GPC5: variants seen among roughly 807,000 people sequenced by gnomAD.
GPC5 encodes glypican-5.
In GPC5, 47 loss-of-function variants were observed where a neutral mutation model predicts 53.9. That is an observed-to-expected ratio of 0.87 (90% CI 0.69 to 1.11). The LOEUF (loss-of-function observed/expected upper bound fraction) is 1.11. Ranked by LOEUF, GPC5 falls within the 50% of genes most tolerant of loss-of-function variation. GPC5 has a pLI of 0.00. For missense variants in GPC5, 748 were observed against 713.1 expected (o/e 1.05, Z -0.56); for synonymous variants, 286 against 263.3 (o/e 1.09, Z -0.84).
chr13:91,482,777 G>A (rs1045284369), intron 2 of GPC5, among the ~76,000 whole-genome samples: 2 of 152,160 alleles, frequency 1.3e-5, no homozygotes, highest in East Asian at 1.9e-4. Context: ...AGATGTGTGC[G>A]GTGGTCTGAA....
At chr13:91,847,982 C>A (rs1437701840) in intron 5 of GPC5, among the ~76,000 whole-genome samples, 2 of 152,106 alleles carry the variant, frequency 1.3e-5, no homozygotes, top group African/African-American at 2.4e-5. Context: ...CTTTTAATAG[C>A]GAGGTATTGA....
intron 7 of GPC5, among the ~76,000 whole-genome samples, chr13:92,493,882 G>A (rs1450910874): frequency 1.3e-5 from 2 of 152,184 alleles, no homozygotes; most frequent in Non-Finnish European, 2.9e-5. Context: ...TATGACTGAT[G>A]AGGCATCGAG....
intron 6 of GPC5, among the ~76,000 whole-genome samples, chr13:92,046,182 A>G (rs905187881): frequency 6.6e-6 from 1 of 152,198 alleles, no homozygotes; most frequent in Non-Finnish European, 1.5e-5. Context: ...AAGAAAAATC[A>G]CAATTACCTA....
intron 6 of GPC5, among the ~76,000 whole-genome samples, chr13:92,024,694 T>A (rs2040786560): frequency 6.6e-6 from 1 of 152,172 alleles, no homozygotes; most frequent in Non-Finnish European, 1.5e-5. Flanking sequence ...ACTTTTGAGA[T>A]GAAACTGTGG....
rs368715315 is a variant in GPC5, at chr13:92,365,978, CTTATCA to C, written c.1561+220996_1561+221001del. ...AATATTTAAGCCAGTAACATAGTCA[CTTATCA>C]TTATCAAGTATAATGCACTGCACAT... On this transcript the variant is annotated intron_variant, in intron 7 of 7. Transcript: ENST00000377067. Among the ~76,000 whole-genome samples, 68 of 151,770 alleles carry C rather than the reference CTTATCA, an allele frequency of 4.5e-4. 4 individuals are homozygous for C. The highest frequency in any genetic ancestry group is 1.4e-3 in the African/African-American group (59 of 41,070).
chr13:92,076,899 TGA>T (rs2041256405), intron 6 of GPC5, among the ~76,000 whole-genome samples: 1 of 152,188 alleles, frequency 6.6e-6, no homozygotes, highest in African/African-American at 2.4e-5. Context: ...TTTAAAGGCC[TGA>T]ATAGGAAATA....
intron 7 of GPC5, among the ~76,000 whole-genome samples, chr13:92,148,594 C>T (rs2041884816): frequency 6.6e-6 from 1 of 151,886 alleles, no homozygotes; most frequent in African/African-American, 2.4e-5. Flanking sequence ...AAAATTTGTC[C>T]ACATTTTTAT....
chr13:91,684,652 A>G (rs163927), intron 2 of GPC5, among the ~76,000 whole-genome samples: 33,834 of 152,138 alleles, frequency 0.22, 5,008 homozygotes, highest in African/African-American at 0.42. Flanking sequence ...TACTGTTAGC[A>G]TAGCCTTTAA....
At chr13:91,530,314 G>A (rs1886285727) in intron 2 of GPC5, among the ~76,000 whole-genome samples, 1 of 152,188 alleles carries the variant, frequency 6.6e-6, no homozygotes, top group Admixed American at 6.5e-5. Flanking sequence ...GGAATTTTGT[G>A]AGCAGGTTGA....
intron 5 of GPC5, among the ~76,000 whole-genome samples, chr13:91,803,763 GAGACAGACAGAC>G (rs1157171365): frequency 6.8e-6 from 1 of 147,216 alleles, no homozygotes; most frequent in African/African-American, 2.5e-5. Context: ...ATATATAACA[GAGACAGACAGAC>G]AGACAGACAC....
intron 7 of GPC5, among the ~76,000 whole-genome samples, chr13:92,651,383 C>T (rs2139166526): frequency 6.6e-6 from 1 of 152,224 alleles, no homozygotes; most frequent in Non-Finnish European, 1.5e-5. Flanking sequence ...TACTTTTCCA[C>T]TGTAGTCTTC....
intron 2 of GPC5, among the ~76,000 whole-genome samples, chr13:91,691,900 T>G (rs959383847): frequency 2.6e-5 from 4 of 152,192 alleles, no homozygotes; most frequent in Admixed American, 6.5e-5. Flanking sequence ...GACTATACGG[T>G]TGGGACTATA....
chr13:91,751,174 A>G (rs891896101), intron 4 of GPC5, among the ~76,000 whole-genome samples: 2 of 152,060 alleles, frequency 1.3e-5, no homozygotes, highest in African/African-American at 4.8e-5. Flanking sequence ...TCTCCCCCCA[A>G]ATTTCTGTCT....
rs568535652 is a variant in GPC5, at chr13:92,070,258, T to C, written c.1402-74572T>C. 4.6e-5 allele frequency among the ~76,000 whole-genome samples: 7 copies of C among 152,236 alleles called. No individual in the cohort carries two copies. The East Asian group carries it at 1.2e-3, about 25-fold the overall frequency. ...AGTGTGGCTAACAATCTGAATAAAC[T>C]TGGAAGCAGACCTTTCCTCAGAGCC... On this transcript the variant is annotated intron_variant, in intron 6 of 7. Transcript: ENST00000377067.
chr13:92,722,255 A>C (rs1888526945), intron 7 of GPC5, among the ~76,000 whole-genome samples: 1 of 151,984 alleles, frequency 6.6e-6, no homozygotes, highest in South Asian at 2.1e-4. Flanking sequence ...TTAAAGGGAA[A>C]ATACTTTGCC....
chr13:92,847,342 A>G (rs1456567661), intron 7 of GPC5, among the ~76,000 whole-genome samples: 1 of 152,148 alleles, frequency 6.6e-6, no homozygotes, highest in East Asian at 1.9e-4. Context: ...CCACTGTGAT[A>G]TGGTTTGGAT....
chr13:91,498,421 G>C (rs1362960921), intron 2 of GPC5, among the ~76,000 whole-genome samples: 1 of 152,002 alleles, frequency 6.6e-6, no homozygotes, highest in Non-Finnish European at 1.5e-5. Context: ...GCTGGGAACT[G>C]GTTGAGCAGG....
intron 6 of GPC5, among the ~76,000 whole-genome samples, chr13:91,927,151 A>G (rs1275720197): frequency 3.3e-5 from 5 of 152,228 alleles, no homozygotes; most frequent in African/African-American, 1.2e-4. Context: ...AATTACTAAT[A>G]GAGAAATTAC....
intron 7 of GPC5, among the ~76,000 whole-genome samples, chr13:92,173,591 T>C (rs1338151807): frequency 6.6e-6 from 1 of 152,210 alleles, no homozygotes; most frequent in Non-Finnish European, 1.5e-5. Context: ...TAGGAGTTGG[T>C]TTAATAAAGT....
Sources: allele counts gnomAD v4.1 joint callset (sites outside exome capture counted in the v4.1 genomes callset), GRCh38; gene constraint gnomAD v4.1.1; transcripts MANE v1.5; gene names NCBI Gene and HGNC (gene_info 2026-07-23, HGNC 2026-07-21).